The following ZNF414 variants were observed in gnomAD, a reference collection of about 807,000 sequenced individuals.
ZNF414 encodes zinc finger protein 414.
Under a neutral mutation model 38.3 loss-of-function variants are expected in ZNF414, and 32 were observed. The observed-to-expected ratio is 0.83, with a 90% confidence interval of 0.63 to 1.12. ZNF414 has a LOEUF of 1.12. ZNF414 is among the 50% of genes most tolerant of loss of function. ZNF414 has a pLI of 0.00. For synonymous variants in ZNF414, 256 were observed against 248.0 expected, an observed-to-expected ratio of 1.03 and a Z score of -0.30; for missense variants, 589 against 557.4, an observed-to-expected ratio of 1.06 and a Z score of -0.57.
intron 6 of ZNF414, 162 bp from the exon 7 acceptor site, chr19:8,511,186 G>T: frequency 7.6e-7 from 1 of 1,316,286 alleles, no homozygotes; most frequent in Non-Finnish European, 9.7e-7. Context: ...TGCCCCTAGA[G>T]TTGGGGGCAC....
rs1049809484 is a variant in ZNF414 at position 8,511,860 on chromosome 19, G to C, written c.631C>G (p.Pro211Ala). 5 of 1,405,090 alleles carry C rather than the reference G, an allele frequency of 3.6e-6. No homozygotes were observed. In the African/African-American group the frequency reaches 6.0e-5, roughly 17 times the overall value. 87.0% of individuals were successfully genotyped at this position (1,405,090 alleles called of 1,614,324 possible). A position where few individuals can be genotyped will look rare whatever the true frequency, so the allele number is the denominator to read the frequency against. ...GCGGGCGGCTCTCGGTCCAGGGCCG[G>C]GGGTGGCGGCGGGGCTGGGCTCTGC... ...HAQSPAPPPP[P>A]ALDREPPAPE... The change falls in exon 5 of 8, where the codon CCG becomes GCG. Residue 211 changes from proline (P) to alanine (A), a missense_variant. Transcript: ENST00000393927.
rs1463575456 is a variant in ZNF414, at chr19:8,511,863, G to GTGGCGGCGGGGC, written c.616_627dup (p.Ala206_Pro209dup). The GTGGCGGCGGGGC allele has an allele frequency of 7.1e-7, 1 of 1,404,716 alleles. No homozygotes were observed. Among genetic ancestry groups the GTGGCGGCGGGGC allele is most frequent in the East Asian group, 2.7e-5 (1 of 36,702 alleles). 87.0% of individuals were successfully genotyped at this position (1,404,716 alleles called of 1,614,324 possible). On this transcript the variant is annotated inframe_insertion, in exon 5 of 8. Coordinates refer to ENST00000393927, the MANE Select transcript of ZNF414 (RefSeq NM_001146175.2). ...GGCGGCTCTCGGTCCAGGGCCGGGG[G>GTGGCGGCGGGGC]TGGCGGCGGGGCTGGGCTCTGCGCA...
Position 8,510,625 on chromosome 19 carries a change from C to G in ZNF414, c.*66G>C. On this transcript the variant is annotated 3_prime_UTR_variant, in exon 8 of 8. Transcript: ENST00000393927. ...TTTATTGTCCACCCCAGCCCCCCTT[C>G]CCTGCAGCCCCCTCCAAATGACAAA... is the stretch of plus-strand genomic sequence containing the variant. 7.2e-7 allele frequency: 1 copy of G among 1,384,126 alleles called. No homozygotes were observed. 85.7% of individuals were successfully genotyped at this position (1,384,126 alleles called of 1,614,324 possible).
At chr19:8,511,982 G>C (rs746287012) in intron 4 of ZNF414, 22 bp from the exon 5 acceptor site, 41 of 1,408,082 alleles carry the variant, frequency 2.9e-5, no homozygotes, top group Non-Finnish European at 3.6e-5. Context: ...CAGAGGGCTG[G>C]GCTGGGCTGG....
Position 8,514,018 on chromosome 19 carries a change from G to A in ZNF414, c.3+26C>T, listed in dbSNP as rs1298558959. 1.0e-5 allele frequency: 15 copies of A among 1,451,344 alleles called. No homozygotes were observed. The African/African-American group carries it at 1.6e-4, about 16-fold the overall frequency. The allele number at this position is 1,451,344 out of a possible 1,614,324, so 89.9% of individuals were successfully genotyped here. A position where few individuals can be genotyped will look rare whatever the true frequency, so the allele number is the denominator to read the frequency against. ...CCGCCAGTCCCCGCAGCTCCGCCGC[G>A]CCCGCGACCCCGGTGCCGCGCTCAC... On this transcript the variant is annotated intron_variant, in intron 1 of 7. Coordinates refer to ENST00000393927, the MANE Select transcript of ZNF414 (RefSeq NM_001146175.2).
At chr19:8,511,100 C>A in intron 6 of ZNF414, 76 bp from the exon 7 acceptor site, 13 of 1,285,596 alleles carry the variant, frequency 1.0e-5, no homozygotes, top group Non-Finnish European at 1.3e-5. Flanking sequence ...TGGAGGACGC[C>A]GGCGAGGGTG....
At position 8,513,224 on chromosome 19, in the gene ZNF414, T is replaced by C. The variant is rs768180214; in HGVS notation, c.121A>G (p.Met41Val). ...AVPAAAPSSS[M>V]SEEPGPEQAA... ...TGCTCAGGGCCTGGCTCCTCCGACA[T>C]GGAGGAGGAAGGGGCTGCAGCTGGC... Residue 41 changes from methionine (M) to valine (V), a missense_variant, in exon 2 of 8, where the codon ATG (methionine) becomes GTG (valine). Coordinates refer to ENST00000393927, the MANE Select transcript of ZNF414 (RefSeq NM_001146175.2). 1 of 1,582,032 alleles carries C rather than the reference T, an allele frequency of 6.3e-7. No individual in the cohort carries two copies.
At chr19:8,513,884 G>C (rs1468538266) in intron 1 of ZNF414, among the ~76,000 whole-genome samples, 160 bp downstream of exon 1, 1 of 152,208 alleles carries the variant, frequency 6.6e-6, no homozygotes, top group Non-Finnish European at 1.5e-5. Flanking sequence ...GGTCCATTCC[G>C]GGCCGGGCCC....
chr19:8,513,481 T>TG (rs1307075940), intron 1 of ZNF414, 140 bp from the exon 2 acceptor site: 99 of 811,436 alleles, frequency 1.2e-4, no homozygotes, highest in Non-Finnish European at 1.7e-4. Flanking sequence ...TTTATAAAGA[T>TG]GGGGTCTCGC....
chr19:8,511,005 G>A lies in ZNF414; in HGVS notation c.945C>T (p.Arg315=). The change falls in exon 7 of 8, where the codon CGC becomes CGT. Residue 315 remains arginine (R), a synonymous_variant. Transcript: ENST00000393927. ...DAPSGHAAPS[R]IVWEHTRGRY... ...GGCCGCGTGTGTGCTCCCACACGAT[G>A]CGGCTCGGGGCCGCGTGCCCTGCGG... The A allele has an allele frequency of 7.8e-7, 1 of 1,275,898 alleles. No individual in the cohort carries two copies. 79.0% of individuals were successfully genotyped at this position (1,275,898 alleles called of 1,614,324 possible).
At chr19:8,512,198 G>A in intron 4 of ZNF414, 189 bp downstream of exon 4, 2 of 1,433,058 alleles carry the variant, frequency 1.4e-6, no homozygotes, top group Non-Finnish European at 1.8e-6. Flanking sequence ...GGGAGGTAAA[G>A]CCTGGCTGGG....
chr19:8,512,244 G>T (rs1971928196), intron 4 of ZNF414, 143 bp downstream of exon 4: 9 of 1,446,480 alleles, frequency 6.2e-6, no homozygotes, highest in Admixed American at 2.5e-5. Flanking sequence ...CCCCATCCAG[G>T]GAGTTGAGGG....
chr19:8,510,871 G>T lies in ZNF414; in HGVS notation c.1079C>A (p.Pro360Gln). 6.2e-6 allele frequency: 7 copies of T among 1,124,256 alleles called. No homozygotes were observed. Among genetic ancestry groups the T allele is most frequent in the Non-Finnish European group, 7.7e-6 (7 of 911,208 alleles). The allele number at this position is 1,124,256 out of a possible 1,614,324, so 69.6% of individuals were successfully genotyped here. ...CTTACCCGCGGGGGCGTCGGGGCGC[G>T]GCGGCCCGGCCGCGGGGGCCGCGGG... ...GAPAAPAAGP[P>Q]RPDAPADPAP... The change falls in exon 7 of 8, where the codon CCG (proline) becomes CAG (glutamine). Residue 360 changes from proline (P) to glutamine (Q), a missense_variant. Pro to Gln is a moderately conservative substitution (Grantham distance 76). Transcript: ENST00000393927.
chr19:8,510,122 C>G lies in ZNF414; in HGVS notation c.*569G>C, dbSNP rs1248173943. The G allele has an allele frequency of 6.6e-6, 1 of 151,510 alleles. No homozygotes were observed. Among genetic ancestry groups the G allele is most frequent in the Non-Finnish European group, 1.5e-5 (1 of 67,874 alleles). 9.4% of individuals were successfully genotyped at this position (151,510 alleles called of 1,614,324 possible). A position where few individuals can be genotyped will look rare whatever the true frequency, so the allele number is the denominator to read the frequency against. On this transcript the variant is annotated 3_prime_UTR_variant, in exon 8 of 8. Transcript: ENST00000393927. ...TGGCTAACGCGGTGAAACTCCATCT[C>G]TATTAAAAATACAAAAAATTAGCCG...
chr19:8,513,828 C>T (rs973819580), intron 1 of ZNF414, among the ~76,000 whole-genome samples: 1 of 152,172 alleles, frequency 6.6e-6, no homozygotes, highest in East Asian at 1.9e-4. Flanking sequence ...GTGCTGGGGG[C>T]CCGGATGTAA....
chr19:8,511,429 C>T (rs1299599911), intron 6 of ZNF414, 57 bp downstream of exon 6: 2 of 1,587,804 alleles, frequency 1.3e-6, no homozygotes, highest in Non-Finnish European at 1.7e-6. Flanking sequence ...CACCAGACCC[C>T]GCAGGGCGCA....
intron 6 of ZNF414, 123 bp from the exon 7 acceptor site, chr19:8,511,147 C>A (rs1971907600): frequency 7.8e-7 from 1 of 1,277,956 alleles, no homozygotes; most frequent in Non-Finnish European, 9.9e-7. Context: ...AGCTTCCGGG[C>A]GCCTAGTTCA....
chr19:8,512,681 C>A lies in ZNF414; in HGVS notation c.347G>T (p.Cys116Phe), dbSNP rs771179858. 6.4e-7 allele frequency: 1 copy of A among 1,572,244 alleles called. No individual in the cohort carries two copies. The highest frequency in any genetic ancestry group is 8.6e-7 in the Non-Finnish European group (1 of 1,160,030). The stretch of plus-strand genomic sequence containing the variant: ...ACGGACGCTGGGAAAACTGAGGCAG[C>A]AGCCAGGGCTGGAGCAAGGGATTTG... ...GKQIPCSSPG[C>F]CLSFPSVRDL... The change falls in exon 3 of 8, where the codon TGC becomes TTC. Residue 116 changes from cysteine to phenylalanine, a missense_variant. Coordinates refer to ENST00000393927, the MANE Select transcript of ZNF414 (RefSeq NM_001146175.2).
rs1971901407 is a variant in ZNF414, at chr19:8,510,760, C to G, written c.1104G>C (p.Pro368=). 6 of 1,548,818 alleles carry G rather than the reference C, an allele frequency of 3.9e-6. No individual in the cohort carries two copies. The highest frequency in any genetic ancestry group is 3.5e-6 in the Non-Finnish European group (4 of 1,145,592). Residue 368 remains proline (P), a synonymous_variant, in exon 8 of 8, where the codon CCG becomes CCC. Coordinates refer to ENST00000393927, the MANE Select transcript of ZNF414 (RefSeq NM_001146175.2). ...GCGACACCTTGGGTGCAAGCGGGGC[C>G]GGATCTGGGTGGGGCAGAGGAGGGG... ...GPPRPDAPAD[P]APLAPKVSPL...
Sources: allele counts gnomAD v4.1 joint callset (sites outside exome capture counted in the v4.1 genomes callset), GRCh38; gene constraint gnomAD v4.1.1; transcripts MANE v1.5; gene names NCBI Gene and HGNC (gene_info 2026-07-23, HGNC 2026-07-21).